GAK: variants seen among roughly 807,000 people sequenced by gnomAD.
GAK encodes cyclin-G-associated kinase.
In GAK, 79 loss-of-function variants were observed where a neutral mutation model predicts 143.9. That is an observed-to-expected ratio of 0.55 (90% CI 0.46 to 0.66). GAK has a LOEUF of 0.66. Ranked by LOEUF, GAK falls within the 30% of genes least tolerant of loss-of-function variation. The pLI is 0.00. For synonymous variants in GAK, 881 were observed against 765.5 expected (o/e 1.15, Z -2.49); for missense variants, 1,693 against 1,779.7 (o/e 0.95, Z 0.88).
At chr4:900,395 G>T (rs1400299513) in intron 5 of GAK, among the ~76,000 whole-genome samples, 1 of 152,234 alleles carries the variant, frequency 6.6e-6, no homozygotes, top group Non-Finnish European at 1.5e-5. Flanking sequence ...TTCCCGCCAC[G>T]CCGCTGTGGA....
At chr4:884,006 C>T (rs199753405) in intron 12 of GAK, 31 bp downstream of exon 12, 349 of 1,603,500 alleles carry the variant, frequency 2.2e-4, no homozygotes, top group Admixed American at 9.5e-4. Flanking sequence ...AGGGCCGGGG[C>T]GCGTCCCACA....
intron 23 of GAK, among the ~76,000 whole-genome samples, chr4:860,837 G>A (rs1750153927): frequency 6.6e-6 from 1 of 152,238 alleles, no homozygotes; most frequent in Non-Finnish European, 1.5e-5. Flanking sequence ...ATCGTGCACT[G>A]TGCCTCCCGG....
At chr4:850,879 C>G in intron 26 of GAK, 57 bp downstream of exon 26, 6 of 1,572,988 alleles carry the variant, frequency 3.8e-6, no homozygotes, top group Non-Finnish European at 5.2e-6. Flanking sequence ...AGCAGATGCT[C>G]CAGGGGCCAT....
chr4:855,595 A>C (rs1322922745), intron 24 of GAK, among the ~76,000 whole-genome samples: 1 of 152,222 alleles, frequency 6.6e-6, no homozygotes, highest in Non-Finnish European at 1.5e-5. Flanking sequence ...GCCAAATGGC[A>C]GCAGCTGGGA....
chr4:885,129 G>A (rs6837528), intron 11 of GAK, among the ~76,000 whole-genome samples: 48,974 of 151,372 alleles, frequency 0.32, 8,230 homozygotes, highest in South Asian at 0.4. Context: ...TAAACCCACC[G>A]AGCAGGTGCT....
At position 882,751 on chromosome 4, in the gene GAK, G is replaced by A. The variant is rs1330394268; in HGVS notation, c.1473C>T (p.Asn491=). 4.3e-6 allele frequency: 7 copies of A among 1,612,462 alleles called. No homozygotes were observed. The highest frequency in any genetic ancestry group is 4.0e-5 in the African/African-American group (3 of 74,940). ...HLHTLYNICR[N]MHAWLRQDHK... Reference sequence around the variant, plus strand: ...GGTCCTGCCGCAGCCAGGCGTGCATGTTCCTGCAGATGTTGTACAGGGTGT... The same window carrying A: ...GGTCCTGCCGCAGCCAGGCGTGCATATTCCTGCAGATGTTGTACAGGGTGT... Residue 491 remains asparagine (N), a synonymous_variant, in exon 14 of 28, where the codon AAC becomes AAT. Transcript: ENST00000314167.
Position 866,403 on chromosome 4 carries a change from C to T in GAK, c.3004G>A (p.Ala1002Thr), listed in dbSNP as rs779648541. 6.8e-6 allele frequency: 11 copies of T among 1,613,924 alleles called. No homozygotes were observed. The highest frequency in any genetic ancestry group is 3.3e-5 in the South Asian group (3 of 91,090). ...VPPSFPSAHS[A>T]PPPSCSADFL... is the part of the protein sequence containing the mutation. ...TCGGCGCTGCAGGATGGGGGCGGAG[C>T]ACTGTGGGCAGACGGGAAGGATGGT... Residue 1002 changes from alanine (A) to threonine (T), a missense_variant, in exon 22 of 28, where the codon GCT becomes ACT. Coordinates refer to ENST00000314167, the MANE Select transcript of GAK (RefSeq NM_005255.4).
At chr4:866,078 G>A (rs774959984) in intron 22 of GAK, among the ~76,000 whole-genome samples, 1 of 152,256 alleles carries the variant, frequency 6.6e-6, no homozygotes, top group Non-Finnish European at 1.5e-5. Context: ...GCCTGGGCCT[G>A]AGGAGGCCTG....
chr4:883,941 G>A, intron 12 of GAK, 96 bp downstream of exon 12: 2 of 1,221,652 alleles, frequency 1.6e-6, no homozygotes, highest in Non-Finnish European at 1.2e-6. Context: ...GAGAAGGCTG[G>A]AGCAGAGGCA....
chr4:855,620 A>G (rs1444312201), intron 24 of GAK, among the ~76,000 whole-genome samples: 1 of 152,188 alleles, frequency 6.6e-6, no homozygotes, highest in East Asian at 1.9e-4. Context: ...CGACAAGTAC[A>G]AGTGGAGAAA....
At chr4:911,271 C>T (rs990154398) in intron 4 of GAK, among the ~76,000 whole-genome samples, 1 of 152,088 alleles carries the variant, frequency 6.6e-6, no homozygotes, top group Admixed American at 6.5e-5. Context: ...TGCTCAACAC[C>T]GCTCATGGAA....
intron 1 of GAK, among the ~76,000 whole-genome samples, chr4:922,370 C>T (rs147387259): frequency 2.4e-4 from 37 of 152,114 alleles, no homozygotes; most frequent in African/African-American, 7.5e-4. Flanking sequence ...CAAAAATCAG[C>T]GGCGCATGGT....
intron 27 of GAK, 59 bp from the exon 28 acceptor site, chr4:849,833 G>GGGGGGGGGGGGGCC: frequency 8.4e-7 from 1 of 1,190,152 alleles, no homozygotes. Flanking sequence ...GGCGGGGCAG[G>GGGGGGGGGGGGGCC]ACCCCCCCCC....
At position 888,864 on chromosome 4, in the gene GAK, G is replaced by A. The variant is rs776029960; in HGVS notation, c.1188C>T (p.Val396=). 1.9e-6 allele frequency: 3 copies of A among 1,608,070 alleles called. No homozygotes were observed. The highest frequency in any genetic ancestry group is 2.5e-6 in the Non-Finnish European group (3 of 1,177,998). Residue 396 remains valine (V), a synonymous_variant, in exon 11 of 28, where the codon GTC becomes GTT. Transcript: ENST00000314167. ...FTNLKDTSSK[V]IQSVANYAKG... is the part of the protein sequence containing the mutation. ...ACACTCACTTAGCGACGGACTGGATGACCTTGGAGGAGGTGTCCTTGAGGT... is the reference window on the plus strand; with the variant it reads ...ACACTCACTTAGCGACGGACTGGATAACCTTGGAGGAGGTGTCCTTGAGGT...
chr4:870,615 TG>T, intron 19 of GAK, 95 bp downstream of exon 19: 1 of 1,325,776 alleles, frequency 7.5e-7, no homozygotes, highest in Non-Finnish European at 1.1e-6. Flanking sequence ...GCAGCAGGCG[TG>T]GGGCCCAGCC....
chr4:910,605 C>T (rs1721878705), intron 4 of GAK, among the ~76,000 whole-genome samples: 2 of 152,138 alleles, frequency 1.3e-5, no homozygotes, highest in South Asian at 2.1e-4. Flanking sequence ...GGGAACAGCT[C>T]CTCCTGGCTG....
chr4:855,863 G>A (rs11735356), intron 24 of GAK, among the ~76,000 whole-genome samples: 3,193 of 152,314 alleles, frequency 0.021, 48 homozygotes, highest in Admixed American at 0.03. Context: ...GCTGAGGCGG[G>A]AGAATTGCTT....
Position 877,072 on chromosome 4 carries a change from A to G in GAK, c.1974+18T>C. ...AGGCGTGAGTGGGGAGCACCGGGCA[A>G]GCCACAGGCTCTCTCACCTTGGCCT... On this transcript the variant is annotated intron_variant, in intron 17 of 27. Transcript: ENST00000314167. The G allele has an allele frequency of 6.4e-7, 1 of 1,566,904 alleles. No individual in the cohort carries two copies. The highest frequency in any genetic ancestry group is 1.3e-5 in the African/African-American group (1 of 74,142).
chr4:870,476 T>C (rs1438427478), intron 19 of GAK, among the ~76,000 whole-genome samples: 1 of 152,174 alleles, frequency 6.6e-6, no homozygotes, highest in Non-Finnish European at 1.5e-5. Flanking sequence ...TCTGCCTCCG[T>C]CCCTGCCCAT....
Sources: allele counts gnomAD v4.1 joint callset (sites outside exome capture counted in the v4.1 genomes callset), GRCh38; gene constraint gnomAD v4.1.1; transcripts MANE v1.5; gene names NCBI Gene and HGNC (gene_info 2026-07-23, HGNC 2026-07-21).